Variants in MARK3 observed in about 807,000 individuals in gnomAD.
MARK3 encodes MAP/microtubule affinity-regulating kinase 3.
Under a neutral mutation model 90.1 loss-of-function variants are expected in MARK3, and 46 were observed. That is an observed-to-expected ratio of 0.51 (90% CI 0.40 to 0.65). The LOEUF is 0.65. Among genes scored for constraint, MARK3 ranks in the 30% least tolerant of loss-of-function variants. The pLI, the probability that MARK3 is intolerant of heterozygous loss-of-function variation, is 0.00. For synonymous variants in MARK3, 321 were observed against 332.6 expected (o/e 0.97, Z 0.38); for missense variants, 818 against 947.2 (o/e 0.86, Z 1.79).
rs141266725 is a variant in MARK3, at chr14:103,441,988, T to C, written c.298-6931T>C. 2.7e-3 allele frequency among the ~76,000 whole-genome samples: 414 copies of C among 152,198 alleles called. 2 individuals are homozygous for C. Among genetic ancestry groups the C allele is most frequent in the African/African-American group, 9.5e-3 (396 of 41,512 alleles). The stretch of plus-strand genomic sequence containing the variant: ...AGCTAAATTAATAGAAACACAGGCA[T>C]GACAGAGAAGACTTTATCACTTAAC... On this transcript the variant is annotated intron_variant, in intron 3 of 17. Coordinates refer to ENST00000429436, the MANE Select transcript of MARK3 (RefSeq NM_001128918.3).
chr14:103,444,066 G>T (rs1252194575), intron 3 of MARK3, among the ~76,000 whole-genome samples: 1 of 133,914 alleles, frequency 7.5e-6, no homozygotes. Flanking sequence ...TTTTACTTTC[G>T]TATCGGTTGG....
chr14:103,491,715 T>C (rs1310142403), intron 14 of MARK3, 62 bp from the exon 15 acceptor site: 3 of 1,558,064 alleles, frequency 1.9e-6, no homozygotes, highest in African/African-American at 1.4e-5. Context: ...ATAAAAGGTA[T>C]ATTGTGACTG....
At chr14:103,413,747 C>G (rs1002954982) in intron 2 of MARK3, among the ~76,000 whole-genome samples, 8 of 152,054 alleles carry the variant, frequency 5.3e-5, no homozygotes, top group Non-Finnish European at 1.2e-4. Context: ...CGTGAGCCAC[C>G]ACGCCTGGTC....
At chr14:103,490,169 G>C (rs1200316859) in intron 14 of MARK3, 1 of 151,880 alleles carries the variant, frequency 6.6e-6, no homozygotes, top group Non-Finnish European at 1.5e-5. Context: ...TACAAAATTA[G>C]CCAGGCATGG....
chr14:103,448,178 A>T (rs527307102), intron 3 of MARK3, among the ~76,000 whole-genome samples: 1 of 152,252 alleles, frequency 6.6e-6, no homozygotes, highest in East Asian at 1.9e-4. Flanking sequence ...TCTTTAAATA[A>T]CTACCCTTCA....
rs1364540708 is a variant in MARK3, at chr14:103,498,517, G to T, written c.1860G>T (p.Arg620Ser). ...SKLTRRNMSF[R>S]FIKRLPTEYE... is the part of the protein sequence containing the mutation. ...TTTCTTTTAGAAACATGTCATTCAG[G>T]TTTATCAAAAGGTAGGATTTATATA... is the stretch of plus-strand genomic sequence containing the variant. Residue 620 changes from arginine to serine, a missense_variant, in exon 16 of 18, where the codon AGG (arginine) becomes AGT (serine). By Grantham distance (110) the Arg-to-Ser change is moderately radical. Coordinates refer to ENST00000429436, the MANE Select transcript of MARK3 (RefSeq NM_001128918.3). 2.2e-6 allele frequency: 3 copies of T among 1,357,010 alleles called. No homozygotes were observed. Among genetic ancestry groups the T allele is most frequent in the African/African-American group, 1.6e-5 (1 of 64,212 alleles). 84.1% of individuals were successfully genotyped at this position (1,357,010 alleles called of 1,614,324 possible).
At chr14:103,412,603 G>A in intron 2 of MARK3, 1 of 951,312 alleles carries the variant, frequency 1.1e-6, no homozygotes, top group Non-Finnish European at 1.6e-6. Context: ...ACTTAAGCCT[G>A]ACGGTGCCCG....
chr14:103,439,661 A>G (rs2092803192), intron 3 of MARK3, among the ~76,000 whole-genome samples: 1 of 152,002 alleles, frequency 6.6e-6, no homozygotes, highest in Non-Finnish European at 1.5e-5. Context: ...CACCCACCTC[A>G]GCCTCCCAAA....
At chr14:103,489,086 A>G (rs879847278) in intron 14 of MARK3, among the ~76,000 whole-genome samples, 1 of 152,256 alleles carries the variant, frequency 6.6e-6, no homozygotes. Flanking sequence ...CTAGGATACA[A>G]TGTGGCATGC....
intron 1 of MARK3, among the ~76,000 whole-genome samples, chr14:103,395,471 CTCTG>C (rs1277749623): frequency 1.3e-5 from 2 of 152,162 alleles, no homozygotes; most frequent in Non-Finnish European, 2.9e-5. Flanking sequence ...TCACTTTCAT[CTCTG>C]TCAGGCTGGC....
At chr14:103,458,383 TGG>T (rs1021321842) in intron 6 of MARK3, among the ~76,000 whole-genome samples, 1 of 130,578 alleles carries the variant, frequency 7.7e-6, no homozygotes, top group Non-Finnish European at 1.5e-5. Context: ...CGCTTGAACC[TGG>T]GAGGCGGAAA....
chr14:103,456,354 T>C (rs2093278152), intron 5 of MARK3, among the ~76,000 whole-genome samples: 1 of 152,224 alleles, frequency 6.6e-6, no homozygotes. Context: ...ATCTCACTTG[T>C]AGTAGAGCCA....
intron 3 of MARK3, among the ~76,000 whole-genome samples, chr14:103,429,834 C>G (rs750368773): frequency 6.6e-6 from 1 of 152,146 alleles, no homozygotes; most frequent in Non-Finnish European, 1.5e-5. Flanking sequence ...ATTGAGTATT[C>G]TATGATGTTA....
At chr14:103,420,671 A>T (rs1429154127) in intron 2 of MARK3, among the ~76,000 whole-genome samples, 2 of 152,214 alleles carry the variant, frequency 1.3e-5, no homozygotes, top group East Asian at 3.9e-4. Context: ...CCAGGCAGAT[A>T]GTTAATACTC....
chr14:103,448,505 A>G (rs117910094), intron 3 of MARK3, among the ~76,000 whole-genome samples: 3,776 of 152,270 alleles, frequency 0.025, 73 homozygotes, highest in Non-Finnish European at 0.039. Flanking sequence ...TTATCAGTTT[A>G]ATATGCTTAT....
At chr14:103,404,647 T>C (rs558938878) in intron 1 of MARK3, among the ~76,000 whole-genome samples, 124 of 152,314 alleles carry the variant, frequency 8.1e-4, no homozygotes, top group Admixed American at 3.6e-3. Flanking sequence ...ATCCAGATTC[T>C]CTATGGATTT....
chr14:103,429,259 A>G (rs2141051124), intron 3 of MARK3: 2 of 152,368 alleles, frequency 1.3e-5, no homozygotes, highest in Middle Eastern at 6.8e-3. Flanking sequence ...ACTGAATTTC[A>G]GTCCTGGCTC....
intron 14 of MARK3, among the ~76,000 whole-genome samples, chr14:103,485,524 C>A (rs1434698754): frequency 1.3e-5 from 2 of 152,112 alleles, no homozygotes; most frequent in African/African-American, 4.8e-5. Flanking sequence ...CCTCCAGTCT[C>A]AGCCTTCCAA....
In MARK3 at chr14:103,486,467, A is replaced by T. The variant is rs540933445; in HGVS notation, c.1587-5310A>T. On this transcript the variant is annotated intron_variant, in intron 14 of 17. Coordinates refer to ENST00000429436, the MANE Select transcript of MARK3 (RefSeq NM_001128918.3). ...AAAATAAAAATAAAAAAATTAATGT[A>T]ATACAGCTACTATGAACCCACAAAA... is the stretch of plus-strand genomic sequence containing the variant. Among the ~76,000 whole-genome samples the T allele has an allele frequency of 2.0e-5, 3 of 152,234 alleles. No homozygotes were observed. The East Asian group carries it at 5.8e-4, about 29-fold the overall frequency.
Sources: gnomAD v4.1 joint callset for allele counts (sites outside exome capture counted in the v4.1 genomes callset) on GRCh38, gnomAD v4.1.1 for gene constraint, MANE v1.5 for transcripts, NCBI Gene and HGNC (gene_info 2026-07-23, HGNC 2026-07-21) for gene names.